The following TSPAN13 variants were observed in gnomAD, a reference collection of about 807,000 sequenced individuals.
TSPAN13 encodes tetraspanin-13.
TSPAN13 carries 18 observed loss-of-function variants against 26.9 expected under a neutral mutation model. The observed-to-expected ratio is 0.67, with a 90% CI of 0.46 to 0.99. The LOEUF (loss-of-function observed/expected upper bound fraction) is 0.99, where lower values mean the gene tolerates loss of function less well. Among genes scored for constraint, TSPAN13 ranks in the 50% least tolerant of loss-of-function variants. TSPAN13 has a pLI of 0.00. For missense variants in TSPAN13, 201 were observed against 249.6 expected, an observed-to-expected ratio of 0.81 and a Z score of 1.31; for synonymous variants, 116 against 98.4, an observed-to-expected ratio of 1.18 and a Z score of -1.06.
intron 4 of TSPAN13, 112 bp downstream of exon 4, chr7:16,778,023 G>A (rs930159144): frequency 6.7e-6 from 5 of 749,010 alleles, no homozygotes; most frequent in Admixed American, 6.0e-5. Context: ...ATTATTTTAT[G>A]TATATATTTA....
chr7:16,757,929 G>A (rs747880341), intron 1 of TSPAN13, among the ~76,000 whole-genome samples: 3 of 152,158 alleles, frequency 2.0e-5, no homozygotes, highest in Non-Finnish European at 4.4e-5. Flanking sequence ...CGCCTCCTGG[G>A]TTCAAGCGAT....
Position 16,783,627 on chromosome 7 carries a change from T to A in TSPAN13, c.*136T>A. The A allele has an allele frequency of 1.3e-6, 1 of 784,570 alleles. No homozygotes were observed. Among genetic ancestry groups the A allele is most frequent in the Non-Finnish European group, 2.1e-6 (1 of 478,514 alleles). 48.6% of individuals were successfully genotyped at this position (784,570 alleles called of 1,614,324 possible). A position where few individuals can be genotyped will look rare whatever the true frequency, so the allele number is the denominator to read the frequency against. On this transcript the variant is annotated 3_prime_UTR_variant, in exon 6 of 6. Transcript: ENST00000262067. ...CCTTATTGATAGTGGAATTATATATTTTTACTCTATGTTTCTCTACATGTT... is the reference window on the plus strand; with the variant it reads ...CCTTATTGATAGTGGAATTATATATATTTACTCTATGTTTCTCTACATGTT...
chr7:16,777,955 A>G (rs779477234), intron 4 of TSPAN13, 44 bp downstream of exon 4: 1 of 1,369,720 alleles, frequency 7.3e-7, no homozygotes, highest in Admixed American at 1.9e-5. Flanking sequence ...TGTATTACAG[A>G]TAAATAATGA....
At chr7:16,756,527 G>T (rs570522586) in intron 1 of TSPAN13, among the ~76,000 whole-genome samples, 1 of 152,176 alleles carries the variant, frequency 6.6e-6, no homozygotes, top group African/African-American at 2.4e-5. Flanking sequence ...CCTGAGATTC[G>T]TGCCACATTC....
intron 1 of TSPAN13, among the ~76,000 whole-genome samples, chr7:16,770,490 G>T (rs530408188): frequency 3.1e-3 from 472 of 152,304 alleles, no homozygotes; most frequent in Non-Finnish European, 5.0e-3. Context: ...GATTACAGGC[G>T]TGAGCCACCG....
At position 16,775,185 on chromosome 7, in the gene TSPAN13, G is replaced by T. The variant is rs146535993; in HGVS notation, c.64-1026G>T. Among the ~76,000 whole-genome samples, 219 of 152,226 alleles carry T rather than the reference G, an allele frequency of 1.4e-3. 1 individual carries two copies. The highest frequency in any genetic ancestry group is 4.6e-3 in the African/African-American group (193 of 41,528). On this transcript the variant is annotated intron_variant, in intron 1 of 5. Coordinates refer to ENST00000262067, the MANE Select transcript of TSPAN13 (RefSeq NM_014399.4). ...TGATTGAAGATACTGTTTCCTTCCT[G>T]TTCAACAACCTGTCCCCCACTCCTC...
At chr7:16,764,262 C>T (rs138393693) in intron 1 of TSPAN13, among the ~76,000 whole-genome samples, 89 of 150,714 alleles carry the variant, frequency 5.9e-4, no homozygotes, top group African/African-American at 1.8e-3. Flanking sequence ...CTCCTGACCT[C>T]GTGATCTGCC....
intron 1 of TSPAN13, among the ~76,000 whole-genome samples, chr7:16,758,937 A>T (rs1258816157): frequency 6.6e-6 from 1 of 152,202 alleles, no homozygotes; most frequent in East Asian, 1.9e-4. Context: ...CTAATAATGA[A>T]TATTAATTGA....
intron 5 of TSPAN13, among the ~76,000 whole-genome samples, chr7:16,780,292 G>T (rs1784801290): frequency 1.3e-5 from 2 of 151,944 alleles, no homozygotes; most frequent in South Asian, 4.1e-4. Context: ...TAGAGACAGG[G>T]TTTCACCATG....
At chr7:16,769,636 G>T (rs765997949) in intron 1 of TSPAN13, among the ~76,000 whole-genome samples, 1 of 151,974 alleles carries the variant, frequency 6.6e-6, no homozygotes, top group Non-Finnish European at 1.5e-5. Context: ...TCTGTTTCTA[G>T]CAACTTTGCT....
At chr7:16,776,940 G>T in intron 2 of TSPAN13, 102 bp from the exon 3 acceptor site, 1 of 674,620 alleles carries the variant, frequency 1.5e-6, no homozygotes, top group Admixed American at 2.7e-5. Context: ...TGTATTCTGG[G>T]TTAATTACTT....
rs1182312214 is a variant in TSPAN13, at chr7:16,779,772, T to C, written c.540+656T>C. On this transcript the variant is annotated intron_variant, in intron 5 of 5. Coordinates refer to ENST00000262067, the MANE Select transcript of TSPAN13 (RefSeq NM_014399.4). ...TAGGAAAAAAAAAGACCAAGATTAA[T>C]ATTCTTTTTTTTTTTTTGAGATGGA... 3.5e-5 allele frequency among the ~76,000 whole-genome samples: 5 copies of C among 142,028 alleles called. No individual in the cohort carries two copies. In the East Asian group the frequency reaches 1.0e-3, roughly 28 times the overall value. 93.2% of individuals were successfully genotyped at this position (142,028 alleles called of 152,430 possible). A position where few individuals can be genotyped will look rare whatever the true frequency, so the allele number is the denominator to read the frequency against.
chr7:16,778,050 CCT>C (rs1371095213), intron 4 of TSPAN13, 139 bp downstream of exon 4: 8 of 645,540 alleles, frequency 1.2e-5, no homozygotes, highest in Non-Finnish European at 1.8e-5. Flanking sequence ...ATTTCCATGT[CCT>C]CTGTTATATC....
chr7:16,768,163 C>T (rs971256010), intron 1 of TSPAN13, among the ~76,000 whole-genome samples: 7 of 152,234 alleles, frequency 4.6e-5, no homozygotes, highest in African/African-American at 1.4e-4. Context: ...ATCCGCCTGC[C>T]TTGGCCTTCC....
intron 1 of TSPAN13, among the ~76,000 whole-genome samples, chr7:16,767,727 G>T (rs1251415551): frequency 6.6e-6 from 1 of 152,108 alleles, no homozygotes; most frequent in Non-Finnish European, 1.5e-5. Flanking sequence ...CCAGTCTAGT[G>T]CATGTGAGAT....
At chr7:16,781,930 C>T (rs763005407) in intron 5 of TSPAN13, among the ~76,000 whole-genome samples, 14 of 152,070 alleles carry the variant, frequency 9.2e-5, no homozygotes, top group Non-Finnish European at 1.3e-4. Context: ...GTCAGATTAC[C>T]GAATAAAACC....
chr7:16,771,356 A>C (rs1034905145), intron 1 of TSPAN13, among the ~76,000 whole-genome samples: 1 of 152,218 alleles, frequency 6.6e-6, no homozygotes, highest in African/African-American at 2.4e-5. Flanking sequence ...ACACACTCCA[A>C]AAAGTCGTTC....
At chr7:16,767,367 AT>A (rs1271422752) in intron 1 of TSPAN13, among the ~76,000 whole-genome samples, 9 of 152,124 alleles carry the variant, frequency 5.9e-5, no homozygotes, top group African/African-American at 1.9e-4. Flanking sequence ...TTTCCTTTAC[AT>A]TTTTTTGAAA....
intron 4 of TSPAN13, 29 bp downstream of exon 4, chr7:16,777,940 G>T (rs1784771968): frequency 6.7e-7 from 1 of 1,501,562 alleles, no homozygotes; most frequent in Admixed American, 1.8e-5. Context: ...ATATGTTTTT[G>T]GAAATGTATT....
Sources: gnomAD v4.1 joint callset for allele counts (sites outside exome capture counted in the v4.1 genomes callset) on GRCh38, gnomAD v4.1.1 for gene constraint, MANE v1.5 for transcripts, NCBI Gene and HGNC (gene_info 2026-07-23, HGNC 2026-07-21) for gene names.